The following SNX4 variants were observed in gnomAD, a reference collection of about 807,000 sequenced individuals.
The protein encoded by SNX4 is sorting nexin-4.
A neutral mutation model predicts 70.8 loss-of-function variants in SNX4; 49 were observed. The observed-to-expected ratio is 0.69, with a 90% CI of 0.55 to 0.88. The LOEUF (loss-of-function observed/expected upper bound fraction) is 0.88, where lower values mean the gene tolerates loss of function less well. Among genes scored for constraint, SNX4 ranks in the 40% least tolerant of loss-of-function variants. The probability of loss-of-function intolerance (pLI) is 0.00; values close to 1 mark genes in which losing one functional copy is unlikely to be tolerated. For missense variants in SNX4, 528 were observed against 544.8 expected (o/e 0.97, Z 0.31); for synonymous variants, 206 against 183.8 (o/e 1.12, Z -0.98).
chr3:125,499,066 T>A (rs1337679098), intron 2 of SNX4, among the ~76,000 whole-genome samples: 2 of 152,182 alleles, frequency 1.3e-5, no homozygotes, highest in Non-Finnish European at 2.9e-5. Flanking sequence ...TAAAAATTCA[T>A]CTCCAGTCTT....
intron 12 of SNX4, 50 bp downstream of exon 12, chr3:125,453,760 T>C (rs2107840211): frequency 1.3e-6 from 2 of 1,483,848 alleles, no homozygotes; most frequent in East Asian, 4.7e-5. Flanking sequence ...TAAAATAATC[T>C]ACCATATAGT....
At chr3:125,470,473 CT>C (rs1934137282) in intron 8 of SNX4, among the ~76,000 whole-genome samples, 1 of 149,896 alleles carries the variant, frequency 6.7e-6, no homozygotes. Context: ...AACTATGTAT[CT>C]TTTCCCTAAA....
intron 5 of SNX4, among the ~76,000 whole-genome samples, chr3:125,494,125 T>C (rs1433903044): frequency 6.6e-6 from 1 of 151,906 alleles, no homozygotes; most frequent in Non-Finnish European, 1.5e-5. Context: ...TAAGATAACA[T>C]TTCAATTTGA....
chr3:125,491,927 C>T lies in SNX4; in HGVS notation c.598-2464G>A, dbSNP rs1934669462. On this transcript the variant is annotated intron_variant, in intron 5 of 13. Coordinates refer to ENST00000251775, the MANE Select transcript of SNX4 (RefSeq NM_003794.4). ...TTTTAAACCAGCCTGGCCAATATGG[C>T]GAAACCCTGTCTCTACTAAAAATAT... 2.6e-5 allele frequency among the ~76,000 whole-genome samples: 4 copies of T among 151,504 alleles called. No individual in the cohort carries two copies. In the South Asian group the frequency reaches 8.3e-4, roughly 32 times the overall value.
At chr3:125,501,619 T>TTA (rs1170802680) in intron 2 of SNX4, among the ~76,000 whole-genome samples, 2 of 133,788 alleles carry the variant, frequency 1.5e-5, no homozygotes, top group African/African-American at 5.5e-5. Flanking sequence ...GACTCCACCT[T>TTA]AAAAAAAAAA....
intron 1 of SNX4, among the ~76,000 whole-genome samples, chr3:125,515,713 T>G (rs954464107): frequency 4.0e-5 from 6 of 150,780 alleles, no homozygotes; most frequent in Non-Finnish European, 8.9e-5. Flanking sequence ...TGAATCACCT[T>G]CAAAAAAATC....
intron 1 of SNX4, among the ~76,000 whole-genome samples, chr3:125,515,399 C>T (rs145634645): frequency 0.023 from 3,463 of 151,684 alleles, 139 homozygotes; most frequent in African/African-American, 0.079. Context: ...TGGTGACTCA[C>T]GCCTGTAATC....
intron 9 of SNX4, among the ~76,000 whole-genome samples, chr3:125,462,593 C>CAAAAA (rs34157775): frequency 4.8e-4 from 23 of 48,140 alleles, no homozygotes; most frequent in African/African-American, 7.4e-4. Context: ...TCTGTCTCAC[C>CAAAAA]AAAAAAAAAA....
chr3:125,462,649 G>A (rs1933913889), intron 9 of SNX4, among the ~76,000 whole-genome samples: 2 of 143,012 alleles, frequency 1.4e-5, no homozygotes. Context: ...ACAAGGTATT[G>A]TAATTTAATA....
chr3:125,474,769 A>G (rs1367104692), intron 8 of SNX4, among the ~76,000 whole-genome samples: 2 of 152,228 alleles, frequency 1.3e-5, no homozygotes, highest in Non-Finnish European at 2.9e-5. Flanking sequence ...CCTGCCTCTC[A>G]AATTAATTAA....
chr3:125,455,460 T>A (rs1239380218), intron 11 of SNX4, among the ~76,000 whole-genome samples: 1 of 152,152 alleles, frequency 6.6e-6, no homozygotes, highest in East Asian at 1.9e-4. Flanking sequence ...AATCCAAGCA[T>A]GGGAAGGCAA....
chr3:125,467,658 C>T (rs1934068475), intron 9 of SNX4, among the ~76,000 whole-genome samples: 1 of 152,054 alleles, frequency 6.6e-6, no homozygotes, highest in Admixed American at 6.6e-5. Flanking sequence ...AGAGATCTGC[C>T]CACCTCAGCC....
chr3:125,478,401 T>C (rs182818714), intron 7 of SNX4, among the ~76,000 whole-genome samples: 1 of 141,658 alleles, frequency 7.1e-6, no homozygotes, highest in Non-Finnish European at 1.5e-5. Flanking sequence ...CTGTGCAGTG[T>C]TGAATGTTTT....
chr3:125,449,355 G>C, intron 13 of SNX4: 1 of 151,618 alleles, frequency 6.6e-6, no homozygotes, highest in Non-Finnish European at 1.5e-5. Flanking sequence ...GGAGGCGGAG[G>C]TTGTAGTGAG....
intron 2 of SNX4, among the ~76,000 whole-genome samples, chr3:125,503,070 C>A (rs1388531591): frequency 6.6e-6 from 1 of 151,800 alleles, no homozygotes; most frequent in East Asian, 2.0e-4. Flanking sequence ...CCACACCTGG[C>A]TAATTTTCAT....
At chr3:125,519,955 C>CCCCGCCCCCCCCCCCCCCCCCCCCCCCCG in intron 1 of SNX4, 77 bp downstream of exon 1, 1 of 1,155,734 alleles carries the variant, frequency 8.7e-7, no homozygotes, top group African/African-American at 1.7e-5. Flanking sequence ...CCCGGCCCAG[C>CCCCGCCCCCCCCCCCCCCCCCCCCCCCCG]CCAGCCCAGC....
chr3:125,452,244 G>A (rs1045617694), intron 12 of SNX4, among the ~76,000 whole-genome samples: 4 of 151,548 alleles, frequency 2.6e-5, no homozygotes, highest in African/African-American at 4.8e-5. Flanking sequence ...ACAGGCACAC[G>A]CCACTGCACT....
chr3:125,485,623 G>A (rs114548116), intron 6 of SNX4, among the ~76,000 whole-genome samples: 7,348 of 152,070 alleles, frequency 0.048, 416 homozygotes, highest in African/African-American at 0.13. Flanking sequence ...ATTTGCATAC[G>A]GCTGTAGTTT....
chr3:125,499,025 T>C (rs1206751202), intron 2 of SNX4, among the ~76,000 whole-genome samples: 1 of 152,188 alleles, frequency 6.6e-6, no homozygotes, highest in East Asian at 1.9e-4. Flanking sequence ...AAAATATTAG[T>C]TAGCTCTGAA....
Sources: allele counts gnomAD v4.1 joint callset (sites outside exome capture counted in the v4.1 genomes callset), GRCh38; gene constraint gnomAD v4.1.1; transcripts MANE v1.5; gene names NCBI Gene and HGNC (gene_info 2026-07-23, HGNC 2026-07-21).